The following MGST2 variants were observed in gnomAD, a reference collection of about 807,000 sequenced individuals.
MGST2 encodes the protein glutathione peroxidase MGST2.
Under a neutral mutation model 16.6 loss-of-function variants are expected in MGST2, and 9 were observed. The ratio of observed to expected loss-of-function variants is 0.54; its 90% CI spans 0.33 to 0.95. MGST2 has a LOEUF of 0.95. Among genes scored for constraint, MGST2 ranks in the 40% least tolerant of loss-of-function variants. The pLI, the probability that MGST2 is intolerant of heterozygous loss-of-function variation, is 0.03. For missense variants in MGST2, 159 were observed against 175.1 expected (o/e 0.91, Z 0.52); for synonymous variants, 79 against 68.0 (o/e 1.16, Z -0.79).
At chr4:139,751,680 C>G in the MGST2 span, among the ~76,000 whole-genome samples, 1 of 152,176 alleles carries the variant, frequency 6.6e-6, no homozygotes, top group Non-Finnish European at 1.5e-5. Flanking sequence ...GGGTGGTACA[C>G]AGATGGGTGG....
chr4:139,680,850 T>C (rs561889014), intron 2 of MGST2, among the ~76,000 whole-genome samples: 81 of 152,296 alleles, frequency 5.3e-4, no homozygotes, highest in African/African-American at 1.8e-3. Context: ...TTCTGTGCTA[T>C]TCTGATTCTG....
At chr4:139,668,629 T>C (rs956056341) in intron 1 of MGST2, among the ~76,000 whole-genome samples, 4 of 98,090 alleles carry the variant, frequency 4.1e-5, no homozygotes, top group Admixed American at 3.1e-4. Flanking sequence ...GGGGAGGGGG[T>C]AGAGGGGGAG....
At chr4:139,692,305 C>T (rs1421157506) in intron 2 of MGST2, among the ~76,000 whole-genome samples, 1 of 152,204 alleles carries the variant, frequency 6.6e-6, no homozygotes, top group African/African-American at 2.4e-5. Context: ...GGCTTCCAGC[C>T]ACCTGCTGCT....
At chr4:139,710,424 T>G (rs1468489680) in intron 5 of MGST2, among the ~76,000 whole-genome samples, 2 of 152,206 alleles carry the variant, frequency 1.3e-5, no homozygotes, top group Non-Finnish European at 2.9e-5. Context: ...GGTATTCCAT[T>G]CATCCAGTGC....
intron 5 of MGST2, among the ~76,000 whole-genome samples, chr4:139,711,001 C>G (rs1016461313): frequency 1.3e-5 from 2 of 150,810 alleles, no homozygotes; most frequent in African/African-American, 4.9e-5. Flanking sequence ...TAGGGGGCTC[C>G]TTTATTTTTC....
At chr4:139,741,929 G>A (rs13120266), downstream of MGST2, among the ~76,000 whole-genome samples, 127,980 of 152,090 alleles carry the variant, frequency 0.84, 54,491 homozygotes, top group Non-Finnish European at 0.92. Context: ...AATATACCTG[G>A]GCACTCCAAA....
At chr4:139,698,003 A>G (rs1727023106) in intron 3 of MGST2, 6 of 565,058 alleles carry the variant, frequency 1.1e-5, no homozygotes, top group Admixed American at 6.6e-5. Context: ...TCTGTCCCCT[A>G]TTTTTCCACT....
intron 1 of MGST2, among the ~76,000 whole-genome samples, chr4:139,674,020 A>C (rs748375311): frequency 2.6e-5 from 4 of 152,242 alleles, no homozygotes; most frequent in Non-Finnish European, 5.9e-5. Flanking sequence ...CAGTTGGTTA[A>C]GGGAGCAAGG....
At chr4:139,705,329 G>A (rs1479049829), downstream of MGST2, among the ~76,000 whole-genome samples, 1 of 152,180 alleles carries the variant, frequency 6.6e-6, no homozygotes. Context: ...TGGAAAGAAA[G>A]GGGAGGTCTG....
downstream of MGST2, among the ~76,000 whole-genome samples, chr4:139,705,053 A>G (rs1454098186): frequency 6.6e-6 from 1 of 152,102 alleles, no homozygotes; most frequent in Non-Finnish European, 1.5e-5. Context: ...AAAGAAAGAA[A>G]TTTAATTTTA....
At chr4:139,710,322 C>G (rs1727687537) in intron 5 of MGST2, among the ~76,000 whole-genome samples, 1 of 152,224 alleles carries the variant, frequency 6.6e-6, no homozygotes, top group South Asian at 2.1e-4. Flanking sequence ...TGTTTATTCT[C>G]TCCTCTTTCT....
chr4:139,716,217 T>TAA (rs1244796787), intron 5 of MGST2, among the ~76,000 whole-genome samples: 1 of 152,146 alleles, frequency 6.6e-6, no homozygotes, highest in Non-Finnish European at 1.5e-5. Context: ...CAGAGGGGTA[T>TAA]AAACTTCTAA....
chr4:139,714,545 C>A (rs968244176), intron 5 of MGST2, among the ~76,000 whole-genome samples: 2 of 152,096 alleles, frequency 1.3e-5, no homozygotes, highest in Non-Finnish European at 2.9e-5. Context: ...GCAAAATACG[C>A]GTAATAAAAC....
At position 139,715,316 on chromosome 4, in the gene MGST2, T is replaced by G. The variant is rs1727905915; in HGVS notation, c.*48+11120T>G. 6.6e-6 allele frequency among the ~76,000 whole-genome samples: 1 copy of G among 152,180 alleles called. No individual in the cohort carries two copies. Among genetic ancestry groups the G allele is most frequent in the Admixed American group, 6.5e-5 (1 of 15,282 alleles). Reference sequence around the variant, plus strand: ...TCTCCCCAGTATCGTCCCATCGTTCTCCAGAAATATGTTAGAGGACTCCAA... The same window carrying G: ...TCTCCCCAGTATCGTCCCATCGTTCGCCAGAAATATGTTAGAGGACTCCAA... On this transcript the variant is annotated intron_variant, in intron 5 of 5. Coordinates refer to the MGST2 transcript ENST00000616265. This position sits in a 1 kb window ranked among gnomAD's most constrained non-coding sequence, Gnocchi z 4.4.
chr4:139,731,897 T>G lies in MGST2; in HGVS notation c.*49-8315T>G, dbSNP rs142712879. Among the ~76,000 whole-genome samples the G allele has an allele frequency of 1.6e-4, 25 of 152,294 alleles. 1 individual carries two copies. Among genetic ancestry groups the G allele is most frequent in the African/African-American group, 5.8e-4 (24 of 41,564 alleles). ...GGAAGAAAAGGTGTGTGGCCCAGATTCAATTTCTAGACACTTCCTTTCCTA... is the reference window on the plus strand; with the variant it reads ...GGAAGAAAAGGTGTGTGGCCCAGATGCAATTTCTAGACACTTCCTTTCCTA... On this transcript the variant is annotated intron_variant, in intron 5 of 5. Coordinates refer to the MGST2 transcript ENST00000616265.
At chr4:139,721,588 TG>T (rs1553950630) in intron 5 of MGST2, among the ~76,000 whole-genome samples, 1 of 152,196 alleles carries the variant, frequency 6.6e-6, no homozygotes, top group Non-Finnish European at 1.5e-5. Context: ...TATTGATTTC[TG>T]GGCTGCAAAT....
chr4:139,752,741 T>A, the MGST2 span, among the ~76,000 whole-genome samples: 1 of 152,084 alleles, frequency 6.6e-6, no homozygotes, highest in Non-Finnish European at 1.5e-5. Context: ...ATCGCAGCAC[T>A]AACACCTAAA....
At chr4:139,725,857 G>C (rs377568103) in intron 5 of MGST2, 62 of 1,602,140 alleles carry the variant, frequency 3.9e-5, no homozygotes, top group Non-Finnish European at 4.8e-5. Flanking sequence ...GAACACAAGA[G>C]GGGTGGAGAG....
At chr4:139,666,117 CGT>C (rs1553943707) in intron 1 of MGST2, 40 bp downstream of exon 1, 4,126 of 991,538 alleles carry the variant, frequency 4.2e-3, no homozygotes, top group Non-Finnish European at 4.8e-3. Flanking sequence ...CGCGTGTGTG[CGT>C]GTGTGTGTGT....
Sources: gnomAD v4.1 joint callset for allele counts (sites outside exome capture counted in the v4.1 genomes callset) on GRCh38, gnomAD v4.1.1 for gene constraint, Gnocchi (gnomAD v3.1) non-coding constraint, MANE v1.5 for transcripts, NCBI Gene and HGNC (gene_info 2026-07-23, HGNC 2026-07-21) for gene names.